TECPR1: variants seen among roughly 807,000 people sequenced by gnomAD.
TECPR1 encodes the protein tectonin beta-propeller repeat containing 1, also known as tectonin beta-propeller repeat-containing protein 1.
Under a neutral mutation model 162.4 loss-of-function variants are expected in TECPR1, and 122 were observed. The ratio of observed to expected loss-of-function variants is 0.75; its 90% CI spans 0.65 to 0.87. The LOEUF is 0.87. Ranked by LOEUF, TECPR1 falls within the 40% of genes least tolerant of loss-of-function variation. The pLI, the probability that TECPR1 is intolerant of heterozygous loss-of-function variation, is 0.00. For missense variants in TECPR1, 1,432 were observed against 1,618.2 expected, an observed-to-expected ratio of 0.88 and a Z score of 1.97; for synonymous variants, 642 against 670.6, an observed-to-expected ratio of 0.96 and a Z score of 0.66.
intron 23 of TECPR1, among the ~76,000 whole-genome samples, chr7:98,218,738 C>T (rs1381363449): frequency 6.6e-6 from 1 of 152,166 alleles, no homozygotes; most frequent in Non-Finnish European, 1.5e-5. Flanking sequence ...AATGGAAATA[C>T]ATCCCATATT....
In TECPR1 at chr7:98,215,747, AACAG is replaced by A. The variant is rs1797990992; in HGVS notation, c.*1639_*1642del. 2 of 152,276 alleles carry A rather than the reference AACAG, an allele frequency of 1.3e-5. No individual in the cohort carries two copies. Among genetic ancestry groups the A allele is most frequent in the African/African-American group, 4.8e-5 (2 of 41,444 alleles). The allele number at this position is 152,276 out of a possible 1,614,324, so 9.4% of individuals were successfully genotyped here. A position where few individuals can be genotyped will look rare whatever the true frequency, so the allele number is the denominator to read the frequency against. On this transcript the variant is annotated 3_prime_UTR_variant, in exon 26 of 26. Transcript: ENST00000447648. The stretch of plus-strand genomic sequence containing the variant: ...AGAGAAAACCTGATAGTGAAATGTA[AACAG>A]ACAGGACAGGGTGGTTCCAGGTGGC...
At chr7:98,236,721 G>A in intron 10 of TECPR1, 55 bp downstream of exon 10, 5 of 1,559,828 alleles carry the variant, frequency 3.2e-6, no homozygotes, top group Non-Finnish European at 4.3e-6. Context: ...TGACCACCTA[G>A]GCTCAGACGG....
In TECPR1 at chr7:98,236,684, G is replaced by A. The variant is rs1798607717; in HGVS notation, c.1181+92C>T. 5.4e-6 allele frequency: 8 copies of A among 1,491,896 alleles called. No individual in the cohort carries two copies. In the Middle Eastern group the frequency reaches 9.9e-4, roughly 184 times the overall value. The allele number at this position is 1,491,896 out of a possible 1,614,324, so 92.4% of individuals were successfully genotyped here. ...CCTGGGACAAGTCCTGGGACCCAGT[G>A]GGGCAGGTGGCAGCCTCTTCTGGAC... On this transcript the variant is annotated intron_variant, in intron 10 of 25. Transcript: ENST00000447648.
Position 98,247,217 on chromosome 7 carries a change from G to A in TECPR1, c.-19-1052C>T, listed in dbSNP as rs140507278. ...GAGTGCAGTGGTTTGATTACAACTC[G>A]TTGCGGCCTCGAACTCCTGGGCTCA... On this transcript the variant is annotated intron_variant, in intron 2 of 25. Transcript: ENST00000447648. Among the ~76,000 whole-genome samples, 258 of 152,002 alleles carry A rather than the reference G, an allele frequency of 1.7e-3. 1 individual carries two copies. The highest frequency in any genetic ancestry group is 3.0e-3 in the Non-Finnish European group (203 of 67,970).
intron 15 of TECPR1, among the ~76,000 whole-genome samples, chr7:98,229,413 G>T (rs1042645946): frequency 1.3e-5 from 2 of 152,200 alleles, no homozygotes; most frequent in Admixed American, 1.3e-4. Context: ...CATGGGCTGG[G>T]AGTCTTCTGG....
At chr7:98,247,592 G>A (rs545084720) in intron 2 of TECPR1, among the ~76,000 whole-genome samples, 3 of 152,288 alleles carry the variant, frequency 2.0e-5, no homozygotes, top group South Asian at 4.1e-4. Flanking sequence ...ATGAGGGCAC[G>A]TTGAGAGCCA....
chr7:98,244,673 G>A lies in TECPR1; in HGVS notation c.429C>T (p.Asp143=). The change falls in exon 5 of 26, where the codon GAC becomes GAT. Residue 143 remains aspartate (D), a synonymous_variant. Transcript: ENST00000447648. ...TEKGGWTYAI[D]FPATYTKDKK... ...TGTCTTTCGTGTAGGTGGCGGGAAA[G>A]TCGATGGCGTACGTCCACCCCTGAA... 6.2e-7 allele frequency: 1 copy of A among 1,612,400 alleles called. No homozygotes were observed.
chr7:98,245,876 C>T (rs1323185627), intron 3 of TECPR1, 46 bp downstream of exon 3: 1 of 1,522,310 alleles, frequency 6.6e-7, no homozygotes, highest in South Asian at 1.2e-5. Context: ...AACCAATAAC[C>T]CAGCGAACTG....
In TECPR1 at chr7:98,236,855, TGAGC is replaced by T; in HGVS notation, c.1098_1101del (p.Leu367ValfsTer36). 6.3e-7 allele frequency: 1 copy of T among 1,583,106 alleles called. No homozygotes were observed. The highest frequency in any genetic ancestry group is 1.2e-5 in the South Asian group (1 of 86,348). On this transcript the variant is annotated frameshift_variant, in exon 10 of 26. Coordinates refer to ENST00000447648, the MANE Select transcript of TECPR1 (RefSeq NM_015395.3). LOFTEE classifies it high-confidence loss of function. The stretch of plus-strand genomic sequence containing the variant: ...ATGATGGCTTTCCAGGTCTTCCCAC[TGAGC>T]TCGCTGGGGGTGACACCCTGCCGGA...
At chr7:98,226,150 C>CCTGCCCTGTCCTCA (rs1562935039) in intron 17 of TECPR1, among the ~76,000 whole-genome samples, 3 of 151,974 alleles carry the variant, frequency 2.0e-5, no homozygotes, top group Non-Finnish European at 4.4e-5. Context: ...CCCTGTCCTC[C>CCTGCCCTGTCCTCA]GTCGGAACTG....
rs35887957 is a variant in TECPR1 at position 98,233,671 on chromosome 7, C to T, written c.1422G>A (p.Thr474=). Residue 474 remains threonine, a synonymous_variant, in exon 11 of 26, where the codon ACG becomes ACA. Transcript: ENST00000447648. ...CCGGGGTGGGGGCCGGGCCGGGGTG[C>T]GTGTTGGGTCTGGCCTCCCTGCTGC... ...AEGSREARPN[T]HPGPAPTPAE... 8.1e-5 allele frequency: 130 copies of T among 1,601,228 alleles called. No individual in the cohort carries two copies. The African/African-American group carries it at 1.3e-3, about 16-fold the overall frequency.
chr7:98,231,405 T>C, intron 13 of TECPR1, 32 bp from the exon 14 acceptor site: 1 of 1,566,290 alleles, frequency 6.4e-7, no homozygotes, highest in Non-Finnish European at 8.7e-7. Context: ...GGCAGGGCTG[T>C]CACCCAGGGC....
rs542565825 is a variant in TECPR1, at chr7:98,249,397, A to G, written c.-20+1997T>C. On this transcript the variant is annotated intron_variant, in intron 2 of 25. Transcript: ENST00000447648. ...CCTCCCAGAGCAGCTGACCCCCTCC[A>G]TCCCAGGACACCAAGGCCCGTCAAA... 1.4e-4 allele frequency among the ~76,000 whole-genome samples: 22 copies of G among 152,132 alleles called. No individual in the cohort carries two copies. The South Asian group carries it at 3.9e-3, about 27-fold the overall frequency.
intron 2 of TECPR1, 52 bp from the exon 3 acceptor site, chr7:98,246,217 C>CAG (rs1307596390): frequency 1.4e-5 from 17 of 1,180,558 alleles, no homozygotes. Context: ...CAGGGGACAT[C>CAG]AGAGTCATGT....
chr7:98,233,190 A>C, intron 11 of TECPR1: 1 of 778,332 alleles, frequency 1.3e-6, no homozygotes, highest in Non-Finnish European at 1.9e-6. Flanking sequence ...GAGGGGCTGC[A>C]GACAGGGGAA....
Position 98,216,394 on chromosome 7 carries a change from C to G in TECPR1, c.*996G>C, listed in dbSNP as rs1014650992. On this transcript the variant is annotated 3_prime_UTR_variant, in exon 26 of 26. Transcript: ENST00000447648. ...TCACCAGCGCATCTGGGGAAGGGGC[C>G]GAATGGGGGTTGATGATGGTGACTG... 4.6e-5 allele frequency: 7 copies of G among 152,290 alleles called. No individual in the cohort carries two copies. Among genetic ancestry groups the G allele is most frequent in the African/African-American group, 1.7e-4 (7 of 41,432 alleles). 9.4% of individuals were successfully genotyped at this position (152,290 alleles called of 1,614,324 possible).
At position 98,217,315 on chromosome 7, in the gene TECPR1, C is replaced by T; in HGVS notation, c.*75G>A. On this transcript the variant is annotated 3_prime_UTR_variant, in exon 26 of 26. Transcript: ENST00000447648. Reference sequence around the variant, plus strand: ...GGCCACATTGCTCCCACGGTGCACACTCCAGCACAAGAATGGCTCAGCCTT... The same window carrying T: ...GGCCACATTGCTCCCACGGTGCACATTCCAGCACAAGAATGGCTCAGCCTT... 1 of 1,031,466 alleles carries T rather than the reference C, an allele frequency of 9.7e-7. No homozygotes were observed. Among genetic ancestry groups the T allele is most frequent in the Non-Finnish European group, 1.4e-6 (1 of 717,820 alleles). The allele number at this position is 1,031,466 out of a possible 1,614,324, so 63.9% of individuals were successfully genotyped here. A position where few individuals can be genotyped will look rare whatever the true frequency, so the allele number is the denominator to read the frequency against.
At chr7:98,218,350 G>A (rs937033189) in intron 23 of TECPR1, among the ~76,000 whole-genome samples, 6 of 152,198 alleles carry the variant, frequency 3.9e-5, no homozygotes, top group Non-Finnish European at 8.8e-5. Flanking sequence ...AGAAACTATG[G>A]ACAAGGGAAG....
chr7:98,234,957 A>T (rs11761574), intron 10 of TECPR1, among the ~76,000 whole-genome samples: 64,764 of 151,738 alleles, frequency 0.43, 14,358 homozygotes, highest in East Asian at 0.7. Flanking sequence ...TAAGCGATCC[A>T]CCCACTTTGG....
Sources: allele counts gnomAD v4.1 joint callset (sites outside exome capture counted in the v4.1 genomes callset), GRCh38; gene constraint gnomAD v4.1.1; transcripts MANE v1.5; gene names NCBI Gene and HGNC (gene_info 2026-07-23, HGNC 2026-07-21).